FAT3: variants seen among roughly 807,000 people sequenced by gnomAD.
FAT3 encodes protocadherin Fat 3.
A neutral mutation model predicts 310.2 loss-of-function variants in FAT3; 95 were observed. The ratio of observed to expected loss-of-function variants is 0.31; its 90% CI spans 0.26 to 0.36. FAT3 has a LOEUF of 0.36. Ranked by LOEUF, FAT3 falls within the 10% of genes least tolerant of loss-of-function variation. The probability of loss-of-function intolerance (pLI) is 1.00; values close to 1 mark genes in which losing one functional copy is unlikely to be tolerated. For synonymous variants in FAT3, 2,314 were observed against 2,192.9 expected (o/e 1.06, Z -1.54); for missense variants, 5,408 against 5,715.6 (o/e 0.95, Z 1.74).
At chr11:92,628,913 C>T (rs1398454871) in intron 3 of FAT3, among the ~76,000 whole-genome samples, 1 of 152,080 alleles carries the variant, frequency 6.6e-6, no homozygotes, top group Non-Finnish European at 1.5e-5. Context: ...CACACACTCA[C>T]ACACACACAC....
chr11:92,356,867 A>C (rs894603891), intron 2 of FAT3, among the ~76,000 whole-genome samples: 3 of 152,180 alleles, frequency 2.0e-5, no homozygotes, highest in Non-Finnish European at 2.9e-5. Flanking sequence ...TTAAGAAACT[A>C]TATTAAATAT....
chr11:92,804,599 G>A (rs543300762), intron 10 of FAT3, among the ~76,000 whole-genome samples: 37 of 152,124 alleles, frequency 2.4e-4, no homozygotes, highest in Admixed American at 9.2e-4. Flanking sequence ...ATGACCCCTC[G>A]TTAGGGCTAT....
intron 2 of FAT3, among the ~76,000 whole-genome samples, chr11:92,521,635 G>T (rs1464710739): frequency 6.6e-6 from 1 of 152,138 alleles, no homozygotes; most frequent in African/African-American, 2.4e-5. Flanking sequence ...TGGTCAATTG[G>T]GTAGAAAGTG....
chr11:92,614,779 T>G (rs1940723551), intron 3 of FAT3, among the ~76,000 whole-genome samples: 1 of 152,232 alleles, frequency 6.6e-6, no homozygotes, highest in Admixed American at 6.5e-5. Flanking sequence ...TAAGAAGTCT[T>G]TGCTTCTAAC....
chr11:92,625,458 G>A (rs78584664), intron 3 of FAT3, among the ~76,000 whole-genome samples: 5,417 of 152,194 alleles, frequency 0.036, 329 homozygotes, highest in African/African-American at 0.12. Context: ...GACAGTGGTT[G>A]TTATCATCAA....
chr11:92,754,854 G>C (rs1316227381), intron 4 of FAT3, among the ~76,000 whole-genome samples: 1 of 151,710 alleles, frequency 6.6e-6, no homozygotes, highest in Admixed American at 6.6e-5. Context: ...GCAACAGAGC[G>C]AGACTTGATC....
chr11:92,859,654 T>G (rs1418437937), intron 21 of FAT3, among the ~76,000 whole-genome samples: 6 of 152,174 alleles, frequency 3.9e-5, no homozygotes, highest in Non-Finnish European at 8.8e-5. Flanking sequence ...TTAAAAGGAT[T>G]GGCTGTATCG....
chr11:92,561,302 G>T (rs1452041458), intron 3 of FAT3, among the ~76,000 whole-genome samples: 1 of 147,664 alleles, frequency 6.8e-6, no homozygotes, highest in Admixed American at 6.8e-5. Flanking sequence ...TACCCAAAAT[G>T]CTTCCATTAT....
chr11:92,752,894 T>G, intron 4 of FAT3, among the ~76,000 whole-genome samples: 1 of 152,174 alleles, frequency 6.6e-6, no homozygotes, highest in African/African-American at 2.4e-5. Flanking sequence ...GGAAAACATC[T>G]TGAAAGATGT....
chr11:92,711,811 CAAAT>C (rs1944531506), intron 4 of FAT3, among the ~76,000 whole-genome samples: 1 of 152,162 alleles, frequency 6.6e-6, no homozygotes, highest in South Asian at 2.1e-4. Context: ...AGGTTACCCA[CAAAT>C]ATCAGCTACT....
intron 4 of FAT3, among the ~76,000 whole-genome samples, chr11:92,737,140 G>A: frequency 6.6e-6 from 1 of 152,080 alleles, no homozygotes; most frequent in East Asian, 1.9e-4. Context: ...AGAATCCTCA[G>A]TCACAATTCA....
chr11:92,719,459 T>C (rs1232933666), intron 4 of FAT3, among the ~76,000 whole-genome samples: 2 of 148,652 alleles, frequency 1.3e-5, no homozygotes, highest in African/African-American at 5.0e-5. Flanking sequence ...GTCCCTTACA[T>C]AAAATGATGT....
chr11:92,381,855 C>T (rs560503116), intron 2 of FAT3, among the ~76,000 whole-genome samples: 8 of 152,160 alleles, frequency 5.3e-5, no homozygotes, highest in African/African-American at 1.9e-4. Flanking sequence ...ATTTATGAGA[C>T]GATGAGTGTA....
chr11:92,540,461 A>G (rs1300414894), intron 3 of FAT3, among the ~76,000 whole-genome samples: 1 of 152,176 alleles, frequency 6.6e-6, no homozygotes, highest in South Asian at 2.1e-4. Flanking sequence ...GATTGTTGTA[A>G]AAAAGCTATT....
intron 2 of FAT3, among the ~76,000 whole-genome samples, chr11:92,492,745 C>T (rs1024139660): frequency 6.6e-6 from 1 of 151,970 alleles, no homozygotes; most frequent in Non-Finnish European, 1.5e-5. Flanking sequence ...AGCTTTGTGA[C>T]CTTGGGTAGG....
rs781757105 is a variant in FAT3, at chr11:92,799,468, T to C, written c.6455T>C (p.Ile2152Thr). The change falls in exon 10 of 28, where the codon ATT (isoleucine) becomes ACT (threonine). Residue 2152 changes from isoleucine to threonine, a missense_variant. By Grantham distance (89) the Ile-to-Thr change is moderately conservative. Transcript: ENST00000525166. ...KEAFNSDLSN[I>T]EYGVTILAKD... Reference sequence around the variant, plus strand: ...GCATTCAACTCTGACTTGTCCAACATTGAGTATGGAGTCACCATCCTAGCC... The same window carrying C: ...GCATTCAACTCTGACTTGTCCAACACTGAGTATGGAGTCACCATCCTAGCC... 1.9e-6 allele frequency: 3 copies of C among 1,613,726 alleles called. No individual in the cohort carries two copies. The highest frequency in any genetic ancestry group is 2.2e-5 in the East Asian group (1 of 44,838).
chr11:92,527,200 A>G (rs1051254588), intron 3 of FAT3, among the ~76,000 whole-genome samples: 1 of 152,166 alleles, frequency 6.6e-6, no homozygotes, highest in Non-Finnish European at 1.5e-5. Context: ...ACGAAACACC[A>G]TAGAACACAG....
At chr11:92,544,066 G>A (rs1236064919) in intron 3 of FAT3, among the ~76,000 whole-genome samples, 7 of 152,262 alleles carry the variant, frequency 4.6e-5, no homozygotes, top group Non-Finnish European at 8.8e-5. Context: ...CTACGTACTA[G>A]GGAAGCTATT....
intron 1 of FAT3, among the ~76,000 whole-genome samples, chr11:92,243,958 G>A (rs527988997): frequency 2.0e-5 from 3 of 152,096 alleles, no homozygotes; most frequent in East Asian, 3.9e-4. Flanking sequence ...TAAATTTAAT[G>A]TCTTTCTTAT....
Sources: gnomAD v4.1 joint callset for allele counts (sites outside exome capture counted in the v4.1 genomes callset) on GRCh38, gnomAD v4.1.1 for gene constraint, MANE v1.5 for transcripts, NCBI Gene and HGNC (gene_info 2026-07-23, HGNC 2026-07-21) for gene names.